The following RBFOX1 variants were observed in gnomAD, a reference collection of about 807,000 sequenced individuals.
RBFOX1 encodes the protein RNA binding fox-1 homolog 1.
A neutral mutation model predicts 57.7 loss-of-function variants in RBFOX1; 8 were observed. The observed-to-expected ratio is 0.14, with a 90% CI of 0.08 to 0.25. RBFOX1 has a LOEUF of 0.25. Ranked by LOEUF, RBFOX1 falls within the 10% of genes least tolerant of loss-of-function variation. The pLI, the probability that RBFOX1 is intolerant of heterozygous loss-of-function variation, is 1.00. For missense variants in RBFOX1, 611 were observed against 548.5 expected (o/e 1.11, Z -1.14); for synonymous variants, 326 against 222.4 (o/e 1.47, Z -4.15).
chr16:7,267,576 C>T (rs1008363052), intron 4 of RBFOX1, among the ~76,000 whole-genome samples: 2 of 149,152 alleles, frequency 1.3e-5, no homozygotes, highest in South Asian at 2.2e-4. Context: ...AATGGGAAGC[C>T]GAGCACGATG....
At chr16:7,302,930 G>T (rs533780336) in intron 4 of RBFOX1, among the ~76,000 whole-genome samples, 4 of 152,054 alleles carry the variant, frequency 2.6e-5, no homozygotes, top group Non-Finnish European at 5.9e-5. Context: ...TGGCCAAGGA[G>T]GGCTGGACAG....
downstream of RBFOX1, among the ~76,000 whole-genome samples, chr16:5,602,843 G>C (rs1339729621): frequency 6.6e-6 from 1 of 152,132 alleles, no homozygotes; most frequent in Non-Finnish European, 1.5e-5. Flanking sequence ...ACTAGTAATA[G>C]TAATAACTAT....
At chr16:7,630,564 A>T (rs370342986) in intron 10 of RBFOX1, 39 bp from the exon 11 acceptor site, 22 of 1,612,366 alleles carry the variant, frequency 1.4e-5, no homozygotes, top group Non-Finnish European at 1.7e-5. Context: ...TAGTGTACCG[A>T]TTCCCAAACC....
intron 4 of RBFOX1, among the ~76,000 whole-genome samples, chr16:7,174,530 C>T (rs1277327353): frequency 6.6e-6 from 1 of 152,158 alleles, no homozygotes; most frequent in Non-Finnish European, 1.5e-5. Flanking sequence ...CCTGCAATCC[C>T]AGCCCTTTGG....
intron 4 of RBFOX1, among the ~76,000 whole-genome samples, chr16:7,269,848 C>G (rs952157543): frequency 8.5e-5 from 13 of 152,200 alleles, no homozygotes; most frequent in African/African-American, 2.9e-4. Context: ...GCTTTTTGAA[C>G]TGGTTGTGCC....
At chr16:7,517,266 T>C (rs2076576408) in intron 4 of RBFOX1, among the ~76,000 whole-genome samples, 1 of 151,632 alleles carries the variant, frequency 6.6e-6, no homozygotes. Context: ...CAGGTTTTTG[T>C]TGTGTGTGTT....
intron 1 of RBFOX1, among the ~76,000 whole-genome samples, chr16:6,204,791 A>G (rs946794090): frequency 2.0e-5 from 3 of 152,154 alleles, no homozygotes; most frequent in African/African-American, 7.2e-5. Flanking sequence ...GCCTTTTGTC[A>G]GCACGTTGTG....
chr16:6,100,048 T>A (rs1473061565), intron 1 of RBFOX1, among the ~76,000 whole-genome samples: 2 of 152,256 alleles, frequency 1.3e-5, no homozygotes, highest in African/African-American at 4.8e-5. Flanking sequence ...CATATTATTC[T>A]TTTTATAAAA....
At chr16:6,202,035 G>T (rs1054927614) in intron 1 of RBFOX1, among the ~76,000 whole-genome samples, 16 of 152,020 alleles carry the variant, frequency 1.1e-4, no homozygotes, top group African/African-American at 3.9e-4. Flanking sequence ...ATGCAAACCA[G>T]CCCCTTCATC....
chr16:6,788,116 G>A (rs1220081856), intron 3 of RBFOX1, among the ~76,000 whole-genome samples: 1 of 152,144 alleles, frequency 6.6e-6, no homozygotes, highest in Non-Finnish European at 1.5e-5. Context: ...TAGCTACTGG[G>A]AAGGCTGAGG....
intron 1 of RBFOX1, among the ~76,000 whole-genome samples, chr16:6,026,278 C>T (rs2152374849): frequency 6.6e-6 from 1 of 152,350 alleles, no homozygotes; most frequent in East Asian, 1.9e-4. Flanking sequence ...TAGCGTGGTG[C>T]AAGGCACACA....
At chr16:6,636,678 A>G (rs554844063) in intron 2 of RBFOX1, among the ~76,000 whole-genome samples, 1 of 149,324 alleles carries the variant, frequency 6.7e-6, no homozygotes, top group African/African-American at 2.5e-5. Flanking sequence ...TACATCACAT[A>G]AACATTTATA....
chr16:5,524,537 G>C (rs910567273), intron 2 of RBFOX1, among the ~76,000 whole-genome samples: 1 of 131,004 alleles, frequency 7.6e-6, no homozygotes, highest in Non-Finnish European at 1.5e-5. Flanking sequence ...GGGTTGAGTA[G>C]TAGTTGCTTT....
chr16:5,341,295 G>T (rs968350465), intron 1 of RBFOX1, among the ~76,000 whole-genome samples: 7 of 152,210 alleles, frequency 4.6e-5, no homozygotes, highest in African/African-American at 1.7e-4. Context: ...GAATGGCATG[G>T]TCTGATTTAT....
intron 2 of RBFOX1, among the ~76,000 whole-genome samples, chr16:6,514,500 C>T (rs2096329803): frequency 1.3e-5 from 2 of 152,282 alleles, no homozygotes; most frequent in Non-Finnish European, 2.9e-5. Flanking sequence ...AGCAGCCATC[C>T]ATTCACAGTC....
At chr16:5,291,925 T>A (rs1486057670) in intron 1 of RBFOX1, among the ~76,000 whole-genome samples, 2 of 150,950 alleles carry the variant, frequency 1.3e-5, no homozygotes, top group Non-Finnish European at 2.9e-5. Context: ...TTACTTGGGG[T>A]CCCTTTGTGA....
chr16:7,043,574 G>A (rs891933468), intron 3 of RBFOX1, among the ~76,000 whole-genome samples: 11 of 152,180 alleles, frequency 7.2e-5, no homozygotes, highest in Admixed American at 7.2e-4. Flanking sequence ...GAGAAATAAA[G>A]CTACCAATTG....
chr16:5,738,219 A>T (rs974327109), intron 3 of RBFOX1, among the ~76,000 whole-genome samples: 2 of 152,162 alleles, frequency 1.3e-5, no homozygotes, highest in African/African-American at 4.8e-5. Context: ...AAACTTTGTC[A>T]CATGCAGAGA....
At chr16:5,258,715 A>G (rs1418730443) in intron 1 of RBFOX1, among the ~76,000 whole-genome samples, 3 of 152,146 alleles carry the variant, frequency 2.0e-5, no homozygotes, top group Non-Finnish European at 4.4e-5. Context: ...CAAGAGTTCA[A>G]GACCATCCTG....
Sources: gnomAD v4.1 joint callset for allele counts (sites outside exome capture counted in the v4.1 genomes callset) on GRCh38, gnomAD v4.1.1 for gene constraint, MANE v1.5 for transcripts, NCBI Gene and HGNC (gene_info 2026-07-23, HGNC 2026-07-21) for gene names.